The following PRKCE variants were observed in gnomAD, a reference collection of about 807,000 sequenced individuals.
The protein encoded by PRKCE is protein kinase C epsilon, also known as protein kinase C epsilon type.
Under a neutral mutation model 85.4 loss-of-function variants are expected in PRKCE, and 16 were observed. The observed-to-expected ratio is 0.19, with a 90% CI of 0.13 to 0.28. The LOEUF (loss-of-function observed/expected upper bound fraction) is 0.28, where lower values mean the gene tolerates loss of function less well. Among genes scored for constraint, PRKCE ranks in the 10% least tolerant of loss-of-function variants. PRKCE has a pLI of 1.00. For synonymous variants in PRKCE, 388 were observed against 371.5 expected, an observed-to-expected ratio of 1.04 and a Z score of -0.51; for missense variants, 573 against 975.2, an observed-to-expected ratio of 0.59 and a Z score of 5.49.
chr2:45,956,417 C>A (rs553044727), intron 2 of PRKCE, among the ~76,000 whole-genome samples: 2 of 151,768 alleles, frequency 1.3e-5, no homozygotes, highest in Admixed American at 6.6e-5. Context: ...CAGTGGGTCA[C>A]GCCTATAATC....
intron 2 of PRKCE, 27 bp downstream of exon 2, chr2:45,843,090 G>A (rs1691489531): frequency 1.3e-5 from 21 of 1,606,188 alleles, no homozygotes; most frequent in Non-Finnish European, 1.7e-5. Context: ...TCTCATCCCT[G>A]TTTTCTTCCA....
intron 1 of PRKCE, among the ~76,000 whole-genome samples, chr2:45,753,477 A>T (rs1026093296): frequency 1.4e-4 from 21 of 151,064 alleles, no homozygotes; most frequent in African/African-American, 5.2e-4. Context: ...ATACCAAAAA[A>T]GTAATATCAT....
In PRKCE at chr2:45,952,076, A is replaced by G. The variant is rs1574001363; in HGVS notation, c.413-24353A>G. Among the ~76,000 whole-genome samples, 2 of 152,156 alleles carry G rather than the reference A, an allele frequency of 1.3e-5. 1 individual carries two copies. The highest frequency in any genetic ancestry group is 2.9e-5 in the Non-Finnish European group (2 of 67,972). ...TTCAACTCCTGGCGTCAAGTGATCTACCCGCCTCGGCCTCCCAAAGTGCTG... is the reference window on the plus strand; with the variant it reads ...TTCAACTCCTGGCGTCAAGTGATCTGCCCGCCTCGGCCTCCCAAAGTGCTG... On this transcript the variant is annotated intron_variant, in intron 2 of 14. Coordinates refer to ENST00000306156, the MANE Select transcript of PRKCE (RefSeq NM_005400.3).
At chr2:46,111,658 G>A (rs1388295312) in intron 11 of PRKCE, among the ~76,000 whole-genome samples, 2 of 152,170 alleles carry the variant, frequency 1.3e-5, no homozygotes, top group African/African-American at 2.4e-5. Context: ...TTTGTAGCAT[G>A]TATTAGAACT....
At chr2:45,711,397 T>G (rs1036821167) in intron 1 of PRKCE, among the ~76,000 whole-genome samples, 1 of 152,212 alleles carries the variant, frequency 6.6e-6, no homozygotes, top group Non-Finnish European at 1.5e-5. Context: ...ACCTATGACC[T>G]GGGTGACCTG....
intron 2 of PRKCE, among the ~76,000 whole-genome samples, chr2:45,915,004 T>C (rs933957724): frequency 6.6e-6 from 1 of 152,230 alleles, no homozygotes; most frequent in Non-Finnish European, 1.5e-5. Flanking sequence ...TGGCATGACC[T>C]CAGCTCACTG....
At chr2:45,803,260 C>G (rs866713613) in intron 1 of PRKCE, among the ~76,000 whole-genome samples, 3 of 152,318 alleles carry the variant, frequency 2.0e-5, no homozygotes, top group African/African-American at 7.2e-5. Context: ...ACAGGATGAT[C>G]TGGTCTTTTA....
At chr2:45,984,450 A>T in intron 5 of PRKCE, 101 bp from the exon 6 acceptor site, 1 of 1,510,272 alleles carries the variant, frequency 6.6e-7, no homozygotes, top group Non-Finnish European at 8.9e-7. Flanking sequence ...ACCTACAATG[A>T]CACAAGCTCT....
intron 1 of PRKCE, among the ~76,000 whole-genome samples, chr2:45,716,606 G>GAGA (rs879888426): frequency 2.9e-4 from 41 of 143,808 alleles, no homozygotes; most frequent in Non-Finnish European, 5.0e-4. Context: ...GAAGGAGAGG[G>GAGA]AGAAGAAGAA....
chr2:45,898,557 C>T (rs976825616), intron 2 of PRKCE, among the ~76,000 whole-genome samples: 1 of 152,196 alleles, frequency 6.6e-6, no homozygotes, highest in African/African-American at 2.4e-5. Flanking sequence ...AGTCAGATGT[C>T]CCCTGGGCTT....
intron 1 of PRKCE, among the ~76,000 whole-genome samples, chr2:45,733,599 G>A (rs1299144132): frequency 2.0e-5 from 3 of 152,184 alleles, no homozygotes; most frequent in South Asian, 2.1e-4. Flanking sequence ...CACTGGCCTC[G>A]TTGAGAGGGT....
chr2:45,987,266 G>A (rs1703404563), intron 6 of PRKCE, among the ~76,000 whole-genome samples: 1 of 152,124 alleles, frequency 6.6e-6, no homozygotes, highest in African/African-American at 2.4e-5. Flanking sequence ...GAATTAGGAT[G>A]CCTGGAGCAA....
At chr2:45,971,818 G>T (rs2104499621) in intron 2 of PRKCE, among the ~76,000 whole-genome samples, 1 of 152,298 alleles carries the variant, frequency 6.6e-6, no homozygotes, top group Middle Eastern at 3.4e-3. Context: ...TCTTTTGTGT[G>T]TATGTGATGA....
chr2:45,733,071 A>G (rs1365338301), intron 1 of PRKCE, among the ~76,000 whole-genome samples: 3 of 152,228 alleles, frequency 2.0e-5, no homozygotes, highest in Non-Finnish European at 4.4e-5. Flanking sequence ...ATTTATAAAC[A>G]AAGGCAGTGA....
At chr2:45,730,656 C>T (rs1448537883) in intron 1 of PRKCE, among the ~76,000 whole-genome samples, 1 of 146,862 alleles carries the variant, frequency 6.8e-6, no homozygotes, top group African/African-American at 2.5e-5. Flanking sequence ...GACAGGGTTT[C>T]ACCCCATTGG....
intron 1 of PRKCE, among the ~76,000 whole-genome samples, chr2:45,812,129 C>T (rs948882117): frequency 6.6e-6 from 1 of 152,224 alleles, no homozygotes; most frequent in Non-Finnish European, 1.5e-5. Context: ...CCCCACCTCT[C>T]TGAGTAAAGA....
At chr2:45,755,036 G>A (rs191402177) in intron 1 of PRKCE, among the ~76,000 whole-genome samples, 2 of 152,296 alleles carry the variant, frequency 1.3e-5, no homozygotes, top group African/African-American at 2.4e-5. Context: ...TAATGTGGCC[G>A]GGCCTTGGCA....
At chr2:46,112,136 A>G (rs1399548983) in intron 11 of PRKCE, among the ~76,000 whole-genome samples, 1 of 152,224 alleles carries the variant, frequency 6.6e-6, no homozygotes, top group African/African-American at 2.4e-5. Flanking sequence ...CTTTATCATT[A>G]TGTAATGCCC....
At position 46,186,870 on chromosome 2, in the gene PRKCE, G is replaced by A. The variant is rs918039515; in HGVS notation, c.*1989G>A. The A allele has an allele frequency of 6.6e-6, 1 of 152,520 alleles. No individual in the cohort carries two copies. Among genetic ancestry groups the A allele is most frequent in the Non-Finnish European group, 1.5e-5 (1 of 68,016 alleles). The allele number at this position is 152,520 out of a possible 1,614,324, so 9.4% of individuals were successfully genotyped here. A position where few individuals can be genotyped will look rare whatever the true frequency, so the allele number is the denominator to read the frequency against. On this transcript the variant is annotated 3_prime_UTR_variant, in exon 15 of 15. Coordinates refer to ENST00000306156, the MANE Select transcript of PRKCE (RefSeq NM_005400.3). ...TTGTTTTTATTTTTTAAAAACTCAG[G>A]TGTAATTATTATCTGTTCTTAAGAT...
Sources: allele counts gnomAD v4.1 joint callset (sites outside exome capture counted in the v4.1 genomes callset), GRCh38; gene constraint gnomAD v4.1.1; transcripts MANE v1.5; gene names NCBI Gene and HGNC (gene_info 2026-07-23, HGNC 2026-07-21).